PMS1: variants seen among roughly 807,000 people sequenced by gnomAD.
PMS1 encodes PMS1 homolog 1, mismatch repair system component.
In PMS1, 79 loss-of-function variants were observed where a neutral mutation model predicts 93.1. The ratio of observed to expected loss-of-function variants is 0.85; its 90% CI spans 0.71 to 1.02. The LOEUF (loss-of-function observed/expected upper bound fraction) is 1.02. Among genes scored for constraint, PMS1 ranks in the 50% least tolerant of loss-of-function variants. The probability of loss-of-function intolerance (pLI) is 0.00; values close to 1 mark genes in which losing one functional copy is unlikely to be tolerated. For missense variants in PMS1, 1,064 were observed against 1,085.3 expected, an observed-to-expected ratio of 0.98 and a Z score of 0.28; for synonymous variants, 335 against 363.4, an observed-to-expected ratio of 0.92 and a Z score of 0.89.
At chr2:189,846,854 CT>C (rs1470843806) in intron 6 of PMS1, among the ~76,000 whole-genome samples, 6 of 148,352 alleles carry the variant, frequency 4.0e-5, no homozygotes, top group Non-Finnish European at 8.9e-5. Flanking sequence ...CATTCCACTT[CT>C]TTTTTTTCTT....
In PMS1 at chr2:189,863,808, A is replaced by G. The variant is rs1024781270; in HGVS notation, c.1922A>G (p.Gln641Arg). Reference protein sequence around the residue: ...YNSQMKRAIEQESQMSLKDGR... With the variant: ...YNSQMKRAIERESQMSLKDGR... ...AGTCAAATGAAGAGAGCCATTGAAC[A>G]GGAGTCACAAATGTCACTAAAAGAT... is the stretch of plus-strand genomic sequence containing the variant. Residue 641 changes from glutamine (Q) to arginine (R), a missense_variant, in exon 10 of 13, where the codon CAG becomes CGG. By Grantham distance (43) the Gln-to-Arg change is conservative. Coordinates refer to ENST00000441310, the MANE Select transcript of PMS1 (RefSeq NM_000534.5). 1 of 1,613,158 alleles carries G rather than the reference A, an allele frequency of 6.2e-7. No individual in the cohort carries two copies. The highest frequency in any genetic ancestry group is 8.5e-7 in the Non-Finnish European group (1 of 1,179,092).
chr2:189,802,173 A>C (rs1005654823), intron 3 of PMS1, among the ~76,000 whole-genome samples: 2 of 152,180 alleles, frequency 1.3e-5, no homozygotes, highest in East Asian at 3.9e-4. Flanking sequence ...CTCATTATGC[A>C]GTTGACCCTT....
chr2:189,822,259 C>T lies in PMS1; in HGVS notation c.582+4079C>T, dbSNP rs1265417385. Among the ~76,000 whole-genome samples the T allele has an allele frequency of 2.0e-5, 3 of 152,302 alleles. No homozygotes were observed. The East Asian group carries it at 5.8e-4, about 29-fold the overall frequency. The stretch of plus-strand genomic sequence containing the variant: ...AGTCCGATGCGCCTGGGTAGGAGCA[C>T]CGACTGCGGGGCCTCTACCGACCTT... On this transcript the variant is annotated intron_variant, in intron 5 of 12. Coordinates refer to ENST00000441310, the MANE Select transcript of PMS1 (RefSeq NM_000534.5).
intron 5 of PMS1, among the ~76,000 whole-genome samples, chr2:189,843,555 C>A (rs189186669): frequency 5.4e-4 from 82 of 152,306 alleles, no homozygotes; most frequent in African/African-American, 1.9e-3. Flanking sequence ...TAATACCTTA[C>A]TTGAAGCAGC....
chr2:189,864,804 T>C (rs2056497845), intron 10 of PMS1, among the ~76,000 whole-genome samples: 1 of 142,128 alleles, frequency 7.0e-6, no homozygotes, highest in African/African-American at 2.6e-5. Flanking sequence ...ACTTCTACAT[T>C]TAATAAGTAT....
intron 4 of PMS1, among the ~76,000 whole-genome samples, chr2:189,813,245 T>G (rs977337018): frequency 2.0e-5 from 3 of 152,172 alleles, no homozygotes; most frequent in African/African-American, 7.2e-5. Flanking sequence ...GATGTTGGTG[T>G]TATATGAGAA....
intron 5 of PMS1, among the ~76,000 whole-genome samples, chr2:189,836,776 T>C (rs879545019): frequency 1.3e-5 from 2 of 152,220 alleles, no homozygotes; most frequent in Non-Finnish European, 2.9e-5. Flanking sequence ...TGTGAAATAA[T>C]GCTCCCAGAC....
At chr2:189,806,005 C>CT in intron 4 of PMS1, 1 of 1,241,208 alleles carries the variant, frequency 8.1e-7, no homozygotes, top group East Asian at 2.6e-5. Context: ...TCTGTAAAAA[C>CT]TAAGAGTATT....
At chr2:189,814,835 C>A (rs529877272) in intron 4 of PMS1, among the ~76,000 whole-genome samples, 1 of 152,096 alleles carries the variant, frequency 6.6e-6, no homozygotes, top group African/African-American at 2.4e-5. Context: ...CTGTGGCTGA[C>A]GCCTGTAATC....
chr2:189,812,612 C>T (rs1024944791), intron 4 of PMS1, among the ~76,000 whole-genome samples: 1 of 152,002 alleles, frequency 6.6e-6, no homozygotes, highest in Non-Finnish European at 1.5e-5. Context: ...AAAAGTAAAA[C>T]GCATGACAAA....
chr2:189,817,911 G>A, intron 4 of PMS1, 106 bp from the exon 5 acceptor site: 1 of 826,440 alleles, frequency 1.2e-6, no homozygotes. Context: ...AATTGGAGGA[G>A]GAGACCTTCA....
intron 5 of PMS1, among the ~76,000 whole-genome samples, chr2:189,827,799 T>A (rs1317705200): frequency 6.6e-6 from 1 of 152,004 alleles, no homozygotes. Context: ...GAAAGTTGAT[T>A]TCATAGAAAT....
intron 12 of PMS1, among the ~76,000 whole-genome samples, chr2:189,874,540 A>G (rs750954725): frequency 2.0e-4 from 31 of 152,232 alleles, no homozygotes; most frequent in Non-Finnish European, 4.0e-4. Context: ...GTTTCCATCT[A>G]TATATCTTGT....
chr2:189,857,297 G>A (rs556040682), intron 9 of PMS1: 7 of 171,338 alleles, frequency 4.1e-5, no homozygotes, highest in Non-Finnish European at 9.4e-5. Flanking sequence ...GGTATCTTGG[G>A]ATCAGAGTTC....
chr2:189,804,457 G>A (rs967801196), intron 3 of PMS1, among the ~76,000 whole-genome samples: 1 of 152,058 alleles, frequency 6.6e-6, no homozygotes, highest in African/African-American at 2.4e-5. Flanking sequence ...CTGCTTTTTT[G>A]GGGGATAGTA....
intron 4 of PMS1, chr2:189,806,245 A>C: frequency 3.9e-6 from 1 of 256,012 alleles, no homozygotes; most frequent in Non-Finnish European, 7.6e-6. Flanking sequence ...TTCATTGCTA[A>C]AGTTCTTTCA....
chr2:189,824,193 A>C (rs1480567234), intron 5 of PMS1, among the ~76,000 whole-genome samples: 1 of 152,088 alleles, frequency 6.6e-6, no homozygotes, highest in Non-Finnish European at 1.5e-5. Flanking sequence ...TTTTCTTTTC[A>C]TGGGTATCTG....
At chr2:189,859,160 T>C (rs5743154) in intron 9 of PMS1, among the ~76,000 whole-genome samples, 1 of 152,318 alleles carries the variant, frequency 6.6e-6, no homozygotes, top group East Asian at 1.9e-4. Context: ...CTCGCCCCTT[T>C]GTTGTGAGAT....
intron 10 of PMS1, among the ~76,000 whole-genome samples, chr2:189,864,690 ATAT>A (rs1559324749): frequency 9.5e-4 from 8 of 8,392 alleles, no homozygotes; most frequent in Admixed American, 1.5e-3. Flanking sequence ...AAAAAAAAAT[ATAT>A]ATATATATAT....
Sources: gnomAD v4.1 joint callset for allele counts (sites outside exome capture counted in the v4.1 genomes callset) on GRCh38, gnomAD v4.1.1 for gene constraint, MANE v1.5 for transcripts, NCBI Gene and HGNC (gene_info 2026-07-23, HGNC 2026-07-21) for gene names.